The following SDHAF3 variants were observed in gnomAD, a reference collection of about 807,000 sequenced individuals.
SDHAF3 encodes the protein succinate dehydrogenase assembly factor 3, mitochondrial.
Under a neutral mutation model 11.5 loss-of-function variants are expected in SDHAF3, and 18 were observed. The ratio of observed to expected loss-of-function variants is 1.56; its 90% confidence interval spans 1.08 to 2.32. SDHAF3 has a LOEUF of 2.32. Ranked by LOEUF, SDHAF3 falls within the 30% of genes most tolerant of loss-of-function variation. SDHAF3 has a pLI of 0.00. For missense variants in SDHAF3, 200 were observed against 154.4 expected (o/e 1.30, Z -1.57); for synonymous variants, 72 against 59.3 (o/e 1.21, Z -0.99).
intron 1 of SDHAF3, among the ~76,000 whole-genome samples, chr7:97,153,489 T>C (rs1310110764): frequency 1.3e-5 from 2 of 152,240 alleles, no homozygotes; most frequent in Non-Finnish European, 2.9e-5. Context: ...TTGTCAATTA[T>C]GAATGAAGCT....
intron 1 of SDHAF3, among the ~76,000 whole-genome samples, chr7:97,171,550 T>C (rs1030299097): frequency 1.3e-5 from 2 of 152,104 alleles, no homozygotes; most frequent in African/African-American, 4.8e-5. Flanking sequence ...ATATAAAATA[T>C]TTAAAAAGTC....
intron 1 of SDHAF3, among the ~76,000 whole-genome samples, chr7:97,167,144 C>T (rs1789518909): frequency 6.6e-6 from 1 of 151,856 alleles, no homozygotes; most frequent in South Asian, 2.1e-4. Context: ...GTGTCCCCAC[C>T]CAAATCTCAT....
At chr7:97,164,664 C>T (rs1156827337) in intron 1 of SDHAF3, among the ~76,000 whole-genome samples, 6 of 152,032 alleles carry the variant, frequency 3.9e-5, no homozygotes, top group East Asian at 1.9e-4. Context: ...TGTGAGCCAG[C>T]GTGCCTTTCC....
At chr7:97,151,476 T>C (rs1400835387) in intron 1 of SDHAF3, among the ~76,000 whole-genome samples, 2 of 146,852 alleles carry the variant, frequency 1.4e-5, no homozygotes, top group African/African-American at 2.5e-5. Flanking sequence ...GTAAAGCTGC[T>C]CTGGGTGAGG....
At chr7:97,140,686 C>T (rs754944479) in intron 1 of SDHAF3, among the ~76,000 whole-genome samples, 52 of 152,062 alleles carry the variant, frequency 3.4e-4, no homozygotes, top group Non-Finnish European at 2.4e-4. Context: ...CAATCGATAC[C>T]CTGTGATTTC....
At chr7:97,159,931 C>T (rs934912711) in intron 1 of SDHAF3, among the ~76,000 whole-genome samples, 1 of 152,202 alleles carries the variant, frequency 6.6e-6, no homozygotes, top group Non-Finnish European at 1.5e-5. Flanking sequence ...TATTTGCTGC[C>T]ATCTGATTCT....
intron 1 of SDHAF3, among the ~76,000 whole-genome samples, chr7:97,178,142 G>GT (rs1207578324): frequency 6.6e-6 from 1 of 152,140 alleles, no homozygotes; most frequent in Non-Finnish European, 1.5e-5. Context: ...TTTCATGTAA[G>GT]TGGAATCATA....
intron 1 of SDHAF3, among the ~76,000 whole-genome samples, chr7:97,179,725 C>G (rs902908180): frequency 6.6e-6 from 1 of 151,970 alleles, no homozygotes; most frequent in African/African-American, 2.4e-5. Context: ...CCTACCCCCC[C>G]TACACACACA....
chr7:97,175,320 A>G (rs534614479), intron 1 of SDHAF3, among the ~76,000 whole-genome samples: 1 of 152,298 alleles, frequency 6.6e-6, no homozygotes, highest in South Asian at 2.1e-4. Flanking sequence ...GGTTTGTTGC[A>G]TAGGTAAACT....
intron 1 of SDHAF3, among the ~76,000 whole-genome samples, chr7:97,150,851 C>T (rs545613912): frequency 1.4e-3 from 220 of 152,106 alleles, no homozygotes; most frequent in African/African-American, 4.9e-3. Flanking sequence ...TGTGAGCCAC[C>T]GCACCCGGCC....
At chr7:97,169,523 A>C (rs887960732) in intron 1 of SDHAF3, among the ~76,000 whole-genome samples, 1 of 152,174 alleles carries the variant, frequency 6.6e-6, no homozygotes, top group African/African-American at 2.4e-5. Flanking sequence ...TAATGTAAAT[A>C]ATTTGTTATA....
intron 1 of SDHAF3, among the ~76,000 whole-genome samples, chr7:97,166,763 T>C (rs1789512596): frequency 6.6e-6 from 1 of 152,082 alleles, no homozygotes; most frequent in South Asian, 2.1e-4. Context: ...GGCTTAGAAT[T>C]TTATTTTAGG....
At position 97,174,004 on chromosome 7, in the gene SDHAF3, CCGA is replaced by C. The variant is rs541512895; in HGVS notation, c.175-7006_175-7004del. 5.2e-4 allele frequency among the ~76,000 whole-genome samples: 79 copies of C among 152,122 alleles called. No homozygotes were observed. The East Asian group carries it at 0.01, about 20-fold the overall frequency. ...GCACAATCTCGGCTCACTGCAACCT[CCGA>C]CTCCTGGTTTTAAGCAATTCTCCTG... On this transcript the variant is annotated intron_variant, in intron 1 of 1. Transcript: ENST00000432641.
At chr7:97,153,063 C>T (rs1159485594) in intron 1 of SDHAF3, among the ~76,000 whole-genome samples, 1 of 152,232 alleles carries the variant, frequency 6.6e-6, no homozygotes, top group African/African-American at 2.4e-5. Context: ...GGGCCTGTCA[C>T]TGTCTTTGTT....
intron 1 of SDHAF3, among the ~76,000 whole-genome samples, chr7:97,152,830 G>A (rs1352348136): frequency 1.3e-5 from 2 of 152,096 alleles, no homozygotes; most frequent in African/African-American, 2.4e-5. Flanking sequence ...TTGTAGGCGT[G>A]GTGGTTTAGT....
At chr7:97,155,736 C>T (rs1192733981) in intron 1 of SDHAF3, among the ~76,000 whole-genome samples, 1 of 152,034 alleles carries the variant, frequency 6.6e-6, no homozygotes, top group African/African-American at 2.4e-5. Flanking sequence ...AGTATCACAT[C>T]TAGTTATTTA....
At chr7:97,161,760 T>G (rs1402564704) in intron 1 of SDHAF3, among the ~76,000 whole-genome samples, 1 of 152,218 alleles carries the variant, frequency 6.6e-6, no homozygotes, top group African/African-American at 2.4e-5. Flanking sequence ...GCGAAGGACA[T>G]AAACTCATCC....
intron 1 of SDHAF3, among the ~76,000 whole-genome samples, chr7:97,124,645 A>G (rs988650892): frequency 1.3e-5 from 2 of 152,124 alleles, no homozygotes; most frequent in East Asian, 3.9e-4. Flanking sequence ...AGGTTTTTCC[A>G]TTTGTTTGTG....
rs1237702280 is a variant in SDHAF3 at position 97,152,617 on chromosome 7, G to A, written c.175-28395G>A. Among the ~76,000 whole-genome samples, 9 of 150,066 alleles carry A rather than the reference G, an allele frequency of 6.0e-5. No homozygotes were observed. In the East Asian group the frequency reaches 7.9e-4, roughly 13 times the overall value. ...TAGGAAGTTTATGGCCTCTGACTGCGTGACTTCTGAGCCATTATTTTGTTT... is the reference window on the plus strand; with the variant it reads ...TAGGAAGTTTATGGCCTCTGACTGCATGACTTCTGAGCCATTATTTTGTTT... On this transcript the variant is annotated intron_variant, in intron 1 of 1. Transcript: ENST00000432641.
Sources: gnomAD v4.1 joint callset for allele counts (sites outside exome capture counted in the v4.1 genomes callset) on GRCh38, gnomAD v4.1.1 for gene constraint, MANE v1.5 for transcripts, NCBI Gene and HGNC (gene_info 2026-07-23, HGNC 2026-07-21) for gene names.